Variants in GLMN observed in about 807,000 individuals in gnomAD.
The protein encoded by GLMN is glomulin.
A neutral mutation model predicts 87.8 loss-of-function variants in GLMN; 75 were observed. The observed-to-expected ratio is 0.85, with a 90% CI of 0.71 to 1.04. The LOEUF (loss-of-function observed/expected upper bound fraction) is 1.04, where lower values mean the gene tolerates loss of function less well. Among genes scored for constraint, GLMN ranks in the 50% least tolerant of loss-of-function variants. The pLI, the probability that GLMN is intolerant of heterozygous loss-of-function variation, is 0.00. For missense variants in GLMN, 588 were observed against 658.8 expected (o/e 0.89, Z 1.18); for synonymous variants, 206 against 221.6 (o/e 0.93, Z 0.63).
chr1:92,345,860 ATAT>A, the GLMN span: 1 of 1,594,088 alleles, frequency 6.3e-7, no homozygotes, highest in South Asian at 1.1e-5. Flanking sequence ...ACAAATAGAA[ATAT>A]TATACACAAA....
the GLMN span, chr1:92,333,199 A>G: frequency 1.9e-6 from 1 of 530,194 alleles, no homozygotes; most frequent in Non-Finnish European, 3.4e-6. Context: ...AAGAGGGCAA[A>G]TGACTCAAAG....
the GLMN span, among the ~76,000 whole-genome samples, chr1:92,356,635 A>G: frequency 7.0e-6 from 1 of 141,964 alleles, no homozygotes; most frequent in Admixed American, 7.3e-5. Context: ...GGGTTTTGCC[A>G]TGTTGGCCAG....
At chr1:92,343,091 C>A in the GLMN span, among the ~76,000 whole-genome samples, 1 of 150,456 alleles carries the variant, frequency 6.6e-6, no homozygotes, top group Non-Finnish European at 1.5e-5. Flanking sequence ...TTTGTTTATA[C>A]AGGAGAGAAG....
At chr1:92,329,309 A>G in the GLMN span, among the ~76,000 whole-genome samples, 535 of 152,184 alleles carry the variant, frequency 3.5e-3, 1 homozygote, top group Non-Finnish European at 6.1e-3. Flanking sequence ...AGGCCAATGG[A>G]GTTATGTTCC....
Position 92,269,721 on chromosome 1 carries a change from A to G in GLMN, c.977+2T>C. 2.5e-6 allele frequency: 4 copies of G among 1,600,658 alleles called. No homozygotes were observed. The highest frequency in any genetic ancestry group is 3.4e-6 in the Non-Finnish European group (4 of 1,167,906). ...TTTGAGATACCATCTAAACGATCTT[A>G]CCTTTGCAAAAAGACTTCAATGTGC... On this transcript the variant is annotated splice_donor_variant, in intron 9 of 18. Transcript: ENST00000370360. LOFTEE classifies it high-confidence loss of function.
intron 7 of GLMN, among the ~76,000 whole-genome samples, chr1:92,275,107 T>C (rs116616181): frequency 2.2e-3 from 332 of 152,356 alleles, no homozygotes; most frequent in African/African-American, 7.4e-3. Context: ...CCAAGCACCA[T>C]TGAGTGCTCA....
At chr1:92,357,536 A>AT in the GLMN span, among the ~76,000 whole-genome samples, 2 of 152,006 alleles carry the variant, frequency 1.3e-5, no homozygotes, top group East Asian at 1.9e-4. Context: ...GTACTGATGG[A>AT]TTTTTTTTGT....
chr1:92,265,468 C>G (rs1655518652), intron 13 of GLMN, among the ~76,000 whole-genome samples: 1 of 151,978 alleles, frequency 6.6e-6, no homozygotes, highest in African/African-American at 2.4e-5. Context: ...CAATAGAAAA[C>G]AAGAAAAGAT....
upstream of GLMN, among the ~76,000 whole-genome samples, chr1:92,303,557 G>T (rs150686345): frequency 6.6e-6 from 1 of 152,144 alleles, no homozygotes; most frequent in African/African-American, 2.4e-5. Context: ...TGTTTTTAAA[G>T]ATTATGCTTT....
At chr1:92,320,429 T>G in the GLMN span, among the ~76,000 whole-genome samples, 2 of 151,984 alleles carry the variant, frequency 1.3e-5, no homozygotes, top group African/African-American at 4.8e-5. Context: ...CGCACCGCCA[T>G]GTCCAGCTAA....
chr1:92,364,982 CT>C, the GLMN span, among the ~76,000 whole-genome samples: 1 of 152,180 alleles, frequency 6.6e-6, no homozygotes, highest in Non-Finnish European at 1.5e-5. Context: ...CCTTATTTCC[CT>C]TTTATGTCTT....
the GLMN span, among the ~76,000 whole-genome samples, chr1:92,337,221 ATTG>A: frequency 2.6e-5 from 4 of 152,266 alleles, no homozygotes; most frequent in South Asian, 2.1e-4. Context: ...ATTATAGTCT[ATTG>A]TTGTCAACAA....
the GLMN span, chr1:92,323,367 GTACTT>G: frequency 2.3e-5 from 23 of 981,594 alleles, no homozygotes; most frequent in East Asian, 3.9e-4. Context: ...ATACTATGGG[GTACTT>G]TACTTTTCTA....
the GLMN span, among the ~76,000 whole-genome samples, chr1:92,328,386 CAA>C: frequency 4.5e-3 from 683 of 152,292 alleles, 3 homozygotes; most frequent in African/African-American, 0.016. Flanking sequence ...TGGGTTAATT[CAA>C]AAGCCTTGTC....
chr1:92,308,998 C>T, the GLMN span, among the ~76,000 whole-genome samples: 1 of 152,026 alleles, frequency 6.6e-6, no homozygotes, highest in Non-Finnish European at 1.5e-5. Flanking sequence ...TAAAACAGGT[C>T]TTCCTGTAAC....
At chr1:92,279,158 A>G (rs962573943) in intron 7 of GLMN, among the ~76,000 whole-genome samples, 2 of 152,180 alleles carry the variant, frequency 1.3e-5, no homozygotes, top group Non-Finnish European at 2.9e-5. Context: ...CACTTTGTAC[A>G]TTAAAATCAC....
chr1:92,289,994 AT>A lies in GLMN; in HGVS notation c.394+203del, dbSNP rs373029750. 8.5e-5 allele frequency among the ~76,000 whole-genome samples: 13 copies of A among 152,326 alleles called. 1 individual carries two copies. In the South Asian group the frequency reaches 2.7e-3, roughly 32 times the overall value. ...AAAATAGTATGACATTCAACAGAAT[AT>A]TTACTGGGTACCCACTCTGGCCAGA... On this transcript the variant is annotated intron_variant, in intron 5 of 18. Coordinates refer to ENST00000370360, the MANE Select transcript of GLMN (RefSeq NM_053274.3).
chr1:92,269,165 G>A (rs956663874), intron 9 of GLMN, among the ~76,000 whole-genome samples: 1 of 149,652 alleles, frequency 6.7e-6, no homozygotes, highest in Non-Finnish European at 1.5e-5. Flanking sequence ...GTCTCCCAAA[G>A]TGCTGGGATT....
intron 5 of GLMN, among the ~76,000 whole-genome samples, chr1:92,289,375 CTA>C (rs746335084): frequency 2.9e-4 from 44 of 152,108 alleles, no homozygotes; most frequent in Non-Finnish European, 5.6e-4. Flanking sequence ...TTATAACAGA[CTA>C]TGTGTAACAG....
Sources: gnomAD v4.1 joint callset for allele counts (sites outside exome capture counted in the v4.1 genomes callset) on GRCh38, gnomAD v4.1.1 for gene constraint, MANE v1.5 for transcripts, NCBI Gene and HGNC (gene_info 2026-07-23, HGNC 2026-07-21) for gene names.